DPYD: variants seen among roughly 807,000 people sequenced by gnomAD.
DPYD encodes the protein dihydropyrimidine dehydrogenase, also known as dihydropyrimidine dehydrogenase [NADP(+)].
A neutral mutation model predicts 116.2 loss-of-function variants in DPYD; 109 were observed. The ratio of observed to expected loss-of-function variants is 0.94; its 90% CI spans 0.80 to 1.10. The LOEUF (loss-of-function observed/expected upper bound fraction) is 1.10, where lower values mean the gene tolerates loss of function less well. DPYD is among the 50% of genes least tolerant of loss of function. DPYD has a pLI of 0.00. For synonymous variants in DPYD, 440 were observed against 432.0 expected (o/e 1.02, Z -0.23); for missense variants, 1,302 against 1,254.5 (o/e 1.04, Z -0.57).
At chr1:97,117,494 A>G (rs1297999457) in intron 20 of DPYD, among the ~76,000 whole-genome samples, 1 of 152,182 alleles carries the variant, frequency 6.6e-6, no homozygotes, top group Non-Finnish European at 1.5e-5. Flanking sequence ...CTATTTCCTA[A>G]GGTTTACCCA....
In DPYD at chr1:97,376,887, G is replaced by GTGTGTGTATATATATATATATATATA; in HGVS notation, c.1975-3244_1975-3243insTATATATATATATATATATACACACA. Among the ~76,000 whole-genome samples, 233 of 128,394 alleles carry GTGTGTGTATATATATATATATATATA rather than the reference G, an allele frequency of 1.8e-3. 2 individuals carry two copies. The highest frequency in any genetic ancestry group is 2.8e-3 in the Non-Finnish European group (170 of 60,344). The allele number at this position is 128,394 out of a possible 152,430, so 84.2% of individuals were successfully genotyped here. A position where few individuals can be genotyped will look rare whatever the true frequency, so the allele number is the denominator to read the frequency against. ...AGTTTGTGTGTGTGTGTGTGTGTGT[G>GTGTGTGTATATATATATATATATATA]TATATATATATATATGGTGTGGACT... On this transcript the variant is annotated intron_variant, in intron 15 of 22. Coordinates refer to ENST00000370192, the MANE Select transcript of DPYD (RefSeq NM_000110.4).
At chr1:97,920,738 G>T (rs1336219163) in intron 1 of DPYD, 146 bp downstream of exon 1, 1 of 1,196,546 alleles carries the variant, frequency 8.4e-7, no homozygotes, top group African/African-American at 1.5e-5. Context: ...GCGCTCCTCC[G>T]CTCCCCCGCA....
At chr1:97,410,272 T>A (rs1673909440) in intron 14 of DPYD, among the ~76,000 whole-genome samples, 3 of 152,182 alleles carry the variant, frequency 2.0e-5, no homozygotes, top group Admixed American at 2.0e-4. Flanking sequence ...ATAGAGTAGA[T>A]GCCCTGTAAA....
chr1:97,721,455 G>A (rs906874596), intron 5 of DPYD, 55 bp downstream of exon 5: 10 of 1,597,858 alleles, frequency 6.3e-6, no homozygotes, highest in Non-Finnish European at 8.6e-6. Context: ...GTTATTTTAA[G>A]ATATTTGTGC....
At chr1:97,823,432 T>C (rs1296966841) in intron 3 of DPYD, among the ~76,000 whole-genome samples, 2 of 152,250 alleles carry the variant, frequency 1.3e-5, no homozygotes, top group South Asian at 4.1e-4. Flanking sequence ...ATACAATATA[T>C]TACTGTTGAC....
At position 97,468,180 on chromosome 1, in the gene DPYD, T is replaced by C. The variant is rs563452190; in HGVS notation, c.1741-17957A>G. ...AAAATTTGACTTCCATATGTATATA[T>C]GTATTAATCAGTTGTTGCTTTCTTA... On this transcript the variant is annotated intron_variant, in intron 13 of 22. Coordinates refer to ENST00000370192, the MANE Select transcript of DPYD (RefSeq NM_000110.4). Among the ~76,000 whole-genome samples the C allele has an allele frequency of 1.5e-3, 235 of 152,358 alleles. 1 individual carries two copies. The highest frequency in any genetic ancestry group is 2.9e-3 in the Non-Finnish European group (195 of 68,032).
chr1:97,309,565 A>G (rs1441776218), intron 16 of DPYD, among the ~76,000 whole-genome samples: 1 of 151,778 alleles, frequency 6.6e-6, no homozygotes, highest in African/African-American at 2.4e-5. Context: ...TGAAGGTACC[A>G]GAGCAGACTT....
At chr1:97,574,089 TC>T in intron 10 of DPYD, 119 bp from the exon 11 acceptor site, 2 of 1,496,298 alleles carry the variant, frequency 1.3e-6, no homozygotes, top group South Asian at 2.6e-5. Flanking sequence ...TGCAGCTTTT[TC>T]TTTCACCAAA....
chr1:97,155,669 C>T (rs1020606171), intron 20 of DPYD, among the ~76,000 whole-genome samples: 3 of 152,100 alleles, frequency 2.0e-5, no homozygotes, highest in African/African-American at 7.2e-5. Flanking sequence ...CTTACATTTA[C>T]CCAAGTTTCA....
chr1:97,142,881 A>T (rs1462955912), intron 20 of DPYD, among the ~76,000 whole-genome samples: 1 of 152,004 alleles, frequency 6.6e-6, no homozygotes, highest in Non-Finnish European at 1.5e-5. Context: ...TTCTTTAGAG[A>T]CTTATAGAAA....
intron 14 of DPYD, among the ~76,000 whole-genome samples, chr1:97,399,671 G>C (rs1463257386): frequency 1.3e-5 from 2 of 152,058 alleles, no homozygotes; most frequent in East Asian, 3.9e-4. Context: ...CACATCCCTT[G>C]TAAGTTGGAT....
At chr1:97,200,522 C>T (rs1451772220) in intron 19 of DPYD, among the ~76,000 whole-genome samples, 1 of 152,084 alleles carries the variant, frequency 6.6e-6, no homozygotes, top group African/African-American at 2.4e-5. Context: ...GGTTGTTCAT[C>T]CAATTCTTAA....
At position 97,699,412 on chromosome 1, in the gene DPYD, C is replaced by T. The variant is rs749269410; in HGVS notation, c.619G>A (p.Ala207Thr). Residue 207 changes from alanine to threonine, a missense_variant, in exon 6 of 23, where the codon GCT becomes ACT. Coordinates refer to ENST00000370192, the MANE Select transcript of DPYD (RefSeq NM_000110.4). ...GTGATGTCAGAGTACCCCAATCGAG[C>T]CAAAAAGGAAGCACAACTTATACTT... ...PASISCASFL[A>T]RLGYSDITIF... The T allele has an allele frequency of 6.2e-7, 1 of 1,613,456 alleles. No homozygotes were observed. The highest frequency in any genetic ancestry group is 1.3e-5 in the African/African-American group (1 of 74,822).
At chr1:97,435,868 T>C (rs1295336764) in intron 14 of DPYD, among the ~76,000 whole-genome samples, 1 of 151,690 alleles carries the variant, frequency 6.6e-6, no homozygotes, top group Non-Finnish European at 1.5e-5. Context: ...AGAAAAAAAA[T>C]ATATAGTTAT....
chr1:97,412,082 C>T (rs1369228219), intron 14 of DPYD, among the ~76,000 whole-genome samples: 1 of 152,088 alleles, frequency 6.6e-6, no homozygotes, highest in Non-Finnish European at 1.5e-5. Flanking sequence ...AGGAAAATTC[C>T]CCAATTTCTT....
intron 2 of DPYD, among the ~76,000 whole-genome samples, chr1:97,880,790 C>T (rs531556594): frequency 6.6e-6 from 1 of 152,052 alleles, no homozygotes; most frequent in South Asian, 2.1e-4. Context: ...TACACAATCA[C>T]TATTGAATAC....
At chr1:97,556,545 C>T (rs1651736873) in intron 11 of DPYD, among the ~76,000 whole-genome samples, 1 of 133,292 alleles carries the variant, frequency 7.5e-6, no homozygotes, top group Non-Finnish European at 1.6e-5. Flanking sequence ...GTGATATTCC[C>T]CTTCCTGTGT....
Position 97,133,998 on chromosome 1 carries a change from C to CA in DPYD, c.2623-35367dup, listed in dbSNP as rs1208967697. Among the ~76,000 whole-genome samples, 19 of 17,188 alleles carry CA rather than the reference C, an allele frequency of 1.1e-3. 1 individual carries two copies. Among genetic ancestry groups the CA allele is most frequent in the African/African-American group, 3.3e-3 (10 of 3,050 alleles). The allele number at this position is 17,188 out of a possible 152,430, so 11.3% of individuals were successfully genotyped here. On this transcript the variant is annotated intron_variant, in intron 20 of 22. Coordinates refer to ENST00000370192, the MANE Select transcript of DPYD (RefSeq NM_000110.4). ...TGGGTCACAGAGCCAGACTCTGTTT[C>CA]AAAAAAAAAAAAAAAAATATATATA...
rs547177163 is a variant in DPYD at position 97,235,249 on chromosome 1, A to G, written c.2300-255T>C. 4.6e-5 allele frequency among the ~76,000 whole-genome samples: 7 copies of G among 152,384 alleles called. No homozygotes were observed. The South Asian group carries it at 1.2e-3, about 27-fold the overall frequency. On this transcript the variant is annotated intron_variant, in intron 18 of 22. Transcript: ENST00000370192. ...ATTTAGACATGTTATACAAGTAGGT[A>G]TAGCAAACACAGAATTCTCTGTGCA...
Sources: gnomAD v4.1 joint callset for allele counts (sites outside exome capture counted in the v4.1 genomes callset) on GRCh38, gnomAD v4.1.1 for gene constraint, MANE v1.5 for transcripts, NCBI Gene and HGNC (gene_info 2026-07-23, HGNC 2026-07-21) for gene names.